The following SLC39A8 variants were observed in gnomAD, a reference collection of about 807,000 sequenced individuals.
SLC39A8 encodes the protein metal cation symporter ZIP8.
Under a neutral mutation model 40.4 loss-of-function variants are expected in SLC39A8, and 15 were observed. That is an observed-to-expected ratio of 0.37 (90% confidence interval 0.25 to 0.57). The LOEUF (loss-of-function observed/expected upper bound fraction) is 0.57. Among genes scored for constraint, SLC39A8 ranks in the 20% least tolerant of loss-of-function variants. The probability of loss-of-function intolerance (pLI) is 0.75; values close to 1 mark genes in which losing one functional copy is unlikely to be tolerated. For synonymous variants in SLC39A8, 223 were observed against 221.6 expected (o/e 1.01, Z -0.06); for missense variants, 472 against 558.8 (o/e 0.84, Z 1.57).
intron 6 of SLC39A8, among the ~76,000 whole-genome samples, chr4:102,284,515 G>T (rs1228817844): frequency 6.6e-6 from 1 of 152,154 alleles, no homozygotes; most frequent in Non-Finnish European, 1.5e-5. Flanking sequence ...ATGATGAAAT[G>T]AATGACTGAA....
intron 6 of SLC39A8, among the ~76,000 whole-genome samples, chr4:102,284,960 A>G (rs992514166): frequency 1.3e-5 from 2 of 152,264 alleles, no homozygotes; most frequent in East Asian, 1.9e-4. Context: ...GAACCCTCCA[A>G]TGTAATCTCT....
At chr4:102,253,937 T>A (rs1731652031) in intron 11 of SLC39A8, among the ~76,000 whole-genome samples, 2 of 152,176 alleles carry the variant, frequency 1.3e-5, no homozygotes, top group East Asian at 1.9e-4. Flanking sequence ...CACAACTATC[T>A]GGAACACCTT....
intron 6 of SLC39A8, among the ~76,000 whole-genome samples, chr4:102,272,374 G>A (rs536790782): frequency 2.5e-4 from 38 of 151,914 alleles, no homozygotes; most frequent in African/African-American, 9.2e-4. Context: ...GGGAGACAGA[G>A]CTTGCAGTGA....
chr4:102,344,794 G>C lies in SLC39A8; in HGVS notation c.-132C>G. The C allele has an allele frequency of 7.6e-7, 1 of 1,321,948 alleles. No individual in the cohort carries two copies. The highest frequency in any genetic ancestry group is 2.1e-5 in the South Asian group (1 of 48,096). 81.9% of individuals were successfully genotyped at this position (1,321,948 alleles called of 1,614,324 possible). A position where few individuals can be genotyped will look rare whatever the true frequency, so the allele number is the denominator to read the frequency against. ...GCTGCTCCGAGTCAGAGGTGGCGCG[G>C]GACGCCCCTGGTTCTCCGACGCCTT... On this transcript the variant is annotated 5_prime_UTR_variant, in exon 2 of 9. Transcript: ENST00000356736.
At position 102,304,448 on chromosome 4, in the gene SLC39A8, C is replaced by T; in HGVS notation, c.709G>A (p.Gly237Ser). ...GHTHFGNDNF[G>S]PQEKTHQPKA... The stretch of plus-strand genomic sequence containing the variant: ...GGTTGATGAGTTTTTTCTTGAGGAC[C>T]AAAGTTATCATTTCCAAAGTGGGTA... Residue 237 changes from glycine to serine, a missense_variant, in exon 6 of 9, where the codon GGT (glycine) becomes AGT (serine). By Grantham distance (56) the Gly-to-Ser change is moderately conservative. Around this residue, in one of 4 missense-constraint regions of SLC39A8, gnomAD observed 239 missense variants for 317.9 expected, o/e 0.75. Transcript: ENST00000356736. 1 of 1,611,018 alleles carries T rather than the reference C, an allele frequency of 6.2e-7. No homozygotes were observed. Among genetic ancestry groups the T allele is most frequent in the Non-Finnish European group, 8.5e-7 (1 of 1,178,114 alleles).
At chr4:102,316,472 A>G (rs572431252) in intron 2 of SLC39A8, among the ~76,000 whole-genome samples, 41 of 152,324 alleles carry the variant, frequency 2.7e-4, no homozygotes, top group African/African-American at 9.1e-4. Flanking sequence ...AACTATTAAC[A>G]AGGACTAGAA....
chr4:102,333,309 C>T (rs1018200811), intron 2 of SLC39A8, among the ~76,000 whole-genome samples: 1 of 152,028 alleles, frequency 6.6e-6, no homozygotes, highest in Admixed American at 6.6e-5. Flanking sequence ...TACAGCATGC[C>T]AGGCAAAAGA....
At chr4:102,323,936 T>C (rs1735076726) in intron 2 of SLC39A8, among the ~76,000 whole-genome samples, 1 of 152,186 alleles carries the variant, frequency 6.6e-6, no homozygotes, top group Admixed American at 6.5e-5. Flanking sequence ...TTAAACCATA[T>C]TTAGGATCCC....
Position 102,288,720 on chromosome 4 carries a change from T to C in SLC39A8, c.840+15597A>G, listed in dbSNP as rs115850419. Among the ~76,000 whole-genome samples the C allele has an allele frequency of 5.0e-3, 764 of 152,178 alleles. 4 individuals are homozygous for C. The highest frequency in any genetic ancestry group is 0.017 in the African/African-American group (699 of 41,546). On this transcript the variant is annotated intron_variant, in intron 6 of 8. Coordinates refer to ENST00000356736, the MANE Select transcript of SLC39A8 (RefSeq NM_001135146.2). ...ATGAGTAAAATTTGAGTGGTTTGGA[T>C]AGAAGATCAAACCACCCACAACATA...
At chr4:102,282,492 T>C (rs929212476) in intron 6 of SLC39A8, among the ~76,000 whole-genome samples, 1 of 152,210 alleles carries the variant, frequency 6.6e-6, no homozygotes, top group Admixed American at 6.5e-5. Context: ...TGTTTGCCAA[T>C]TCTTAGCTAC....
Position 102,344,768 on chromosome 4 carries a change from C to G in SLC39A8, c.-106G>C. On this transcript the variant is annotated 5_prime_UTR_variant, in exon 2 of 9. Coordinates refer to ENST00000356736, the MANE Select transcript of SLC39A8 (RefSeq NM_001135146.2). ...CAAGGGCGGGAGCGTCAGTGCTCGG[C>G]GCTGCTCCGAGTCAGAGGTGGCGCG... 1.5e-6 allele frequency: 2 copies of G among 1,330,108 alleles called. No homozygotes were observed. The highest frequency in any genetic ancestry group is 1.9e-6 in the Non-Finnish European group (2 of 1,045,244). The allele number at this position is 1,330,108 out of a possible 1,614,324, so 82.4% of individuals were successfully genotyped here.
intron 2 of SLC39A8, among the ~76,000 whole-genome samples, chr4:102,321,564 C>T (rs1300770855): frequency 6.6e-6 from 1 of 152,216 alleles, no homozygotes; most frequent in Non-Finnish European, 1.5e-5. Context: ...CCATTCTCCT[C>T]ACCCTTCAAT....
downstream of SLC39A8, among the ~76,000 whole-genome samples, chr4:102,256,889 A>G (rs560551101): frequency 4.6e-5 from 7 of 152,254 alleles, no homozygotes; most frequent in South Asian, 1.5e-3. Flanking sequence ...GTGCAGGGAA[A>G]CCACAGGTGA....
In SLC39A8 at chr4:102,268,054, C is replaced by T. The variant is rs1376422221; in HGVS notation, c.866G>A (p.Cys289Tyr). The T allele has an allele frequency of 6.2e-7, 1 of 1,614,198 alleles. No homozygotes were observed. The highest frequency in any genetic ancestry group is 8.5e-7 in the Non-Finnish European group (1 of 1,180,028). The change falls in exon 7 of 9, where the codon TGT becomes TAT. Residue 289 changes from cysteine to tyrosine, a missense_variant. By Grantham distance (194) the Cys-to-Tyr change is radical. Around this residue, in one of 4 missense-constraint regions of SLC39A8, gnomAD observed 239 missense variants for 317.9 expected, o/e 0.75. Transcript: ENST00000356736. Reference sequence around the variant, plus strand: ...CAGTTTGGGCCCCTTCAAACAGGTACATGAACTTGGCTCTTTTTTTCCATC... The same window carrying T: ...CAGTTTGGGCCCCTTCAAACAGGTATATGAACTTGGCTCTTTTTTTCCATC... ...LQDGKKEPSSCTCLKGPKLSE... is the reference protein window; with the variant it reads ...LQDGKKEPSSYTCLKGPKLSE...
intron 3 of SLC39A8, among the ~76,000 whole-genome samples, chr4:102,311,447 C>T (rs1042483564): frequency 2.0e-5 from 3 of 152,030 alleles, no homozygotes; most frequent in Non-Finnish European, 4.4e-5. Context: ...ACCTTAGGTA[C>T]GACACCTACA....
rs1336949808 is a variant in SLC39A8 at position 102,305,082 on chromosome 4, A to G, written c.582T>C (p.Ser194=). The G allele has an allele frequency of 6.2e-7, 1 of 1,609,264 alleles. No homozygotes were observed. Among genetic ancestry groups the G allele is most frequent in the African/African-American group, 1.3e-5 (1 of 74,640 alleles). Residue 194 remains serine (S), a synonymous_variant, in exon 5 of 9, where the codon AGT becomes AGC. Coordinates refer to ENST00000356736, the MANE Select transcript of SLC39A8 (RefSeq NM_001135146.2). ...EAFGFDPKVD[S]YVEKAVAVFG... ...ACACAGCAACTGCCTTCTCAACATAACTGTCGACTTTGGGATCAAATCCAA... is the reference window on the plus strand; with the variant it reads ...ACACAGCAACTGCCTTCTCAACATAGCTGTCGACTTTGGGATCAAATCCAA...
chr4:102,257,265 C>T (rs558084757), downstream of SLC39A8, among the ~76,000 whole-genome samples: 15 of 152,060 alleles, frequency 9.9e-5, no homozygotes, highest in Admixed American at 5.2e-4. Flanking sequence ...ATTCTCCTGC[C>T]TCAGCCTCCT....
At chr4:102,301,194 A>G (rs924374182) in intron 6 of SLC39A8, among the ~76,000 whole-genome samples, 1 of 151,892 alleles carries the variant, frequency 6.6e-6, no homozygotes, top group Non-Finnish European at 1.5e-5. Flanking sequence ...ATAATTCCAC[A>G]GTTGTTTTCA....
At chr4:102,265,328 AGG>A (rs1387163860) in intron 8 of SLC39A8, among the ~76,000 whole-genome samples, 3 of 70,402 alleles carry the variant, frequency 4.3e-5, no homozygotes, top group Non-Finnish European at 1.1e-4. Context: ...TCAGGGGTGC[AGG>A]GAGAAAACAC....
Sources: allele counts gnomAD v4.1 joint callset (sites outside exome capture counted in the v4.1 genomes callset), GRCh38; gene constraint gnomAD v4.1.1; regional missense constraint gnomAD v4.1.1; transcripts MANE v1.5; gene names NCBI Gene and HGNC (gene_info 2026-07-23, HGNC 2026-07-21).